Variants in MACF1 observed in about 807,000 individuals in gnomAD.
MACF1 encodes the protein microtubule actin crosslinking factor 1, also known as microtubule-actin cross-linking factor 1.
A neutral mutation model predicts 854.8 loss-of-function variants in MACF1; 193 were observed. The ratio of observed to expected loss-of-function variants is 0.23; its 90% CI spans 0.20 to 0.25. The LOEUF (loss-of-function observed/expected upper bound fraction) is 0.25. MACF1 is among the 10% of genes least tolerant of loss of function. The pLI is 1.00. For missense variants in MACF1, 7,722 were observed against 8,929.1 expected (o/e 0.86, Z 5.45); for synonymous variants, 3,185 against 3,226.7 (o/e 0.99, Z 0.44).
intron 57 of MACF1, 42 bp downstream of exon 57, chr1:39,385,971 C>T (rs750184987): frequency 6.4e-7 from 1 of 1,554,228 alleles, no homozygotes; most frequent in Admixed American, 1.9e-5. Flanking sequence ...TTATTAGAGG[C>T]AAGCAGAAAG....
intron 2 of MACF1, among the ~76,000 whole-genome samples, chr1:39,090,331 CAGAGG>C (rs1641772848): frequency 6.6e-6 from 1 of 152,180 alleles, no homozygotes; most frequent in Non-Finnish European, 1.5e-5. Context: ...CAGAGAAGAG[CAGAGG>C]AGAGTGCCCT....
chr1:39,319,416 C>A (rs543186281), intron 30 of MACF1, among the ~76,000 whole-genome samples: 1 of 152,128 alleles, frequency 6.6e-6, no homozygotes, highest in South Asian at 2.1e-4. Context: ...TTGAGACCAG[C>A]CTGGTTAAGA....
Position 39,398,936 on chromosome 1 carries a change from A to G in MACF1, c.15816+10278A>G, listed in dbSNP as rs374376649. On this transcript the variant is annotated intron_variant, in intron 58 of 100. Transcript: ENST00000564288. Reference sequence around the variant, plus strand: ...GATCTCAGTGTGATTTTATCAGACTATGTTTCTTTTGAGCCTTACTGTTTG... The same window carrying G: ...GATCTCAGTGTGATTTTATCAGACTGTGTTTCTTTTGAGCCTTACTGTTTG... 5.9e-5 allele frequency among the ~76,000 whole-genome samples: 9 copies of G among 152,294 alleles called. 1 individual carries two copies. Among genetic ancestry groups the G allele is most frequent in the Admixed American group, 4.6e-4 (7 of 15,294 alleles).
In MACF1 at chr1:39,324,274, A is replaced by G; in HGVS notation, c.4318A>G (p.Thr1440Ala). The G allele has an allele frequency of 6.2e-7, 1 of 1,614,052 alleles. No individual in the cohort carries two copies. ...CTGGGTGTCTACCCTAGCGAGGAAT[A>G]CACAAGGAAAAGCTACCTCATCCGA... ...LGWVSTLARN[T>A]QGKATSSETK... Residue 1440 changes from threonine to alanine, a missense_variant, in exon 34 of 101, where the codon ACA becomes GCA. Around this residue, in one of 15 missense-constraint regions of MACF1, gnomAD observed 1,137 missense variants for 1,263.0 expected, o/e 0.90. Coordinates refer to ENST00000564288, the MANE Select transcript of MACF1 (RefSeq NM_001394062.1).
chr1:39,401,286 G>A (rs1013032624), intron 58 of MACF1, among the ~76,000 whole-genome samples: 1 of 152,138 alleles, frequency 6.6e-6, no homozygotes, highest in Non-Finnish European at 1.5e-5. Context: ...GACTTCCCCA[G>A]CCACTCAGTT....
At chr1:39,223,771 C>T (rs1644681822) in intron 1 of MACF1, among the ~76,000 whole-genome samples, 1 of 152,060 alleles carries the variant, frequency 6.6e-6, no homozygotes, top group Non-Finnish European at 1.5e-5. Context: ...CCCGCTTCTG[C>T]CTCCCAAAGT....
intron 26 of MACF1, among the ~76,000 whole-genome samples, chr1:39,314,569 T>TCA (rs58459573): frequency 0.025 from 1,652 of 65,316 alleles, 34 homozygotes; most frequent in African/African-American, 0.068. Context: ...TCTCTCTCTC[T>TCA]CACACACACA....
At chr1:39,396,911 A>G (rs1052318879) in intron 58 of MACF1, among the ~76,000 whole-genome samples, 1 of 152,186 alleles carries the variant, frequency 6.6e-6, no homozygotes, top group Non-Finnish European at 1.5e-5. Context: ...CTACTTTGCC[A>G]CCACTAAGTG....
At chr1:39,088,659 AG>A (rs1036226806) in intron 2 of MACF1, among the ~76,000 whole-genome samples, 1 of 152,224 alleles carries the variant, frequency 6.6e-6, no homozygotes, top group Non-Finnish European at 1.5e-5. Context: ...GTGGGGCGCT[AG>A]GGAGCTTACT....
chr1:39,220,737 G>A (rs1442390466), intron 1 of MACF1, among the ~76,000 whole-genome samples: 2 of 150,164 alleles, frequency 1.3e-5, no homozygotes, highest in East Asian at 2.0e-4. Flanking sequence ...CACCCACCTC[G>A]GCCTCCCAAA....
At chr1:39,300,461 G>T in intron 22 of MACF1, 99 bp downstream of exon 22, 20 of 1,153,068 alleles carry the variant, frequency 1.7e-5, no homozygotes, top group Non-Finnish European at 2.1e-5. Flanking sequence ...AAATTACAGC[G>T]TTTTTAAAAT....
chr1:39,422,039 C>T (rs1047474866), intron 58 of MACF1, among the ~76,000 whole-genome samples: 1 of 151,922 alleles, frequency 6.6e-6, no homozygotes, highest in Non-Finnish European at 1.5e-5. Context: ...CACGCCACTG[C>T]ACTCCAGCCT....
chr1:39,436,356 C>A, intron 70 of MACF1: 1 of 937,788 alleles, frequency 1.1e-6, no homozygotes, highest in Non-Finnish European at 1.7e-6. Flanking sequence ...CAAGTTTCTC[C>A]CCCCACCTTC....
rs71060310 is a variant in MACF1, at chr1:39,331,172, CTTTTTTTTTTTTTTTTT to C, written c.4615-19_4615-3del. On this transcript the variant is annotated splice_polypyrimidine_tract_variant and intron_variant, in intron 36 of 100. Transcript: ENST00000564288. ...TCAGTTTTCTTTTTCTTCTCTTTTC[CTTTTTTTTTTTTTTTTT>C]TTTTTTTTTTTAGGAATGCAGAGCA... 3.9e-6 allele frequency: 5 copies of C among 1,297,950 alleles called. No homozygotes were observed. The highest frequency in any genetic ancestry group is 7.4e-5 in the Admixed American group (2 of 27,126). 80.4% of individuals were successfully genotyped at this position (1,297,950 alleles called of 1,614,324 possible).
At position 39,333,310 on chromosome 1, in the gene MACF1, A is replaced by G. The variant is rs2148471492; in HGVS notation, c.6722A>G (p.Lys2241Arg). ...KKTFLAKDDH[K>R]ESQEAQNIAG... ...ACATTTCTGGCTAAGGATGACCATA[A>G]AGAAAGTCAAGAAGCACAGAACATC... Residue 2241 changes from lysine (K) to arginine (R), a missense_variant, in exon 37 of 101, where the codon AAA (lysine) becomes AGA (arginine). Lys to Arg is a conservative substitution (Grantham distance 26). Coordinates refer to ENST00000564288, the MANE Select transcript of MACF1 (RefSeq NM_001394062.1). The G allele has an allele frequency of 6.2e-7, 1 of 1,614,172 alleles. No homozygotes were observed. The highest frequency in any genetic ancestry group is 1.7e-5 in the Admixed American group (1 of 60,022).
intron 2 of MACF1, among the ~76,000 whole-genome samples, chr1:39,135,331 C>T (rs1643137778): frequency 6.6e-6 from 1 of 152,112 alleles, no homozygotes; most frequent in Non-Finnish European, 1.5e-5. Context: ...ACTGTAATCT[C>T]CGCCTCCTGG....
At chr1:39,160,672 T>C (rs1440000484) in intron 2 of MACF1, among the ~76,000 whole-genome samples, 1 of 152,202 alleles carries the variant, frequency 6.6e-6, no homozygotes, top group East Asian at 1.9e-4. Flanking sequence ...AGAGGACATG[T>C]AGTTTTTTTG....
chr1:39,366,211 A>G (rs1457918484), intron 49 of MACF1, among the ~76,000 whole-genome samples: 1 of 152,228 alleles, frequency 6.6e-6, no homozygotes, highest in African/African-American at 2.4e-5. Flanking sequence ...GGGTCACACT[A>G]AATGTATTCA....
At chr1:39,374,017 G>A (rs766797926) in intron 52 of MACF1, among the ~76,000 whole-genome samples, 4 of 151,338 alleles carry the variant, frequency 2.6e-5, no homozygotes, top group Non-Finnish European at 5.9e-5. Flanking sequence ...CAAAGGAGGT[G>A]GAACACTTGA....
Sources: gnomAD v4.1 joint callset for allele counts (sites outside exome capture counted in the v4.1 genomes callset) on GRCh38, gnomAD v4.1.1 for gene constraint, gnomAD v4.1.1 regional missense constraint, MANE v1.5 for transcripts, NCBI Gene and HGNC (gene_info 2026-07-23, HGNC 2026-07-21) for gene names.